Variants in IGF2R observed in about 807,000 individuals in gnomAD.
IGF2R encodes cation-independent mannose-6-phosphate receptor.
A neutral mutation model predicts 270.6 loss-of-function variants in IGF2R; 91 were observed. The observed-to-expected ratio is 0.34, with a 90% confidence interval of 0.28 to 0.40. The LOEUF (loss-of-function observed/expected upper bound fraction) is 0.40, where lower values mean the gene tolerates loss of function less well. Ranked by LOEUF, IGF2R falls within the 10% of genes least tolerant of loss-of-function variation. The pLI, the probability that IGF2R is intolerant of heterozygous loss-of-function variation, is 1.00. For synonymous variants in IGF2R, 1,316 were observed against 1,258.9 expected (o/e 1.05, Z -0.96); for missense variants, 2,805 against 3,188.3 (o/e 0.88, Z 2.90).
chr6:160,104,965 C>T lies in IGF2R; in HGVS notation c.7357C>T (p.Leu2453=). ...GGAGCGTGAGGACGATAGGGTGGGG[C>T]TGGTCAGGGGTGAGAAGGCGAGGAA... is the stretch of plus-strand genomic sequence containing the variant. ...LQEREDDRVG[L]VRGEKARKGK... is the part of the protein sequence containing the mutation. Residue 2453 remains leucine, a synonymous_variant, in exon 48 of 48, where the codon CTG becomes TTG. Coordinates refer to ENST00000356956, the MANE Select transcript of IGF2R (RefSeq NM_000876.4). 1 of 1,614,032 alleles carries T rather than the reference C, an allele frequency of 6.2e-7. No homozygotes were observed. Among genetic ancestry groups the T allele is most frequent in the Non-Finnish European group, 8.5e-7 (1 of 1,180,012 alleles).
In IGF2R at chr6:160,056,436, A is replaced by G. The variant is rs560301920; in HGVS notation, c.2707A>G (p.Ile903Val). 10 of 1,613,506 alleles carry G rather than the reference A, an allele frequency of 6.2e-6. No individual in the cohort carries two copies. The African/African-American group carries it at 1.2e-4, about 19-fold the overall frequency. Residue 903 changes from isoleucine to valine, a missense_variant, in exon 20 of 48, where the codon ATC (isoleucine) becomes GTC (valine). Physicochemically the swap from Ile to Val is conservative, Grantham distance 29. Around this residue, in one of 2 missense-constraint regions of IGF2R, gnomAD observed 1,851 missense variants for 2,207.2 expected, o/e 0.84. Transcript: ENST00000356956. ...TTTGCCCATTCAGAACAGCCACCCC[A>G]TCTTTTCTCTCAACTGGGAGTGTGT... ...CSRGRLNSHPIFSLNWECVVS... is the reference protein window; with the variant it reads ...CSRGRLNSHPVFSLNWECVVS...
chr6:160,062,699 C>CATAA, intron 26 of IGF2R, 80 bp downstream of exon 26: 1 of 981,604 alleles, frequency 1.0e-6, no homozygotes, highest in South Asian at 1.4e-5. Flanking sequence ...AGATATGAGA[C>CATAA]CGTGTGATAA....
Position 160,084,335 on chromosome 6 carries a change from G to A in IGF2R, c.6068+151G>A, listed in dbSNP as rs1353730753. 6 of 618,462 alleles carry A rather than the reference G, an allele frequency of 9.7e-6. No homozygotes were observed. The highest frequency in any genetic ancestry group is 3.7e-5 in the African/African-American group (2 of 54,364). The allele number at this position is 618,462 out of a possible 1,614,324, so 38.3% of individuals were successfully genotyped here. On this transcript the variant is annotated intron_variant, in intron 40 of 47. Coordinates refer to ENST00000356956, the MANE Select transcript of IGF2R (RefSeq NM_000876.4). The surrounding 1 kb of genome is among the most constrained non-coding windows in gnomAD (Gnocchi z 4.6). The stretch of plus-strand genomic sequence containing the variant: ...GGTTGAGTTGTGACTGTTCCTGGAA[G>A]CAGCCCGCAGTGTCAATCCTGGCAC...
At chr6:160,047,124 A>G (rs762513029) in intron 15 of IGF2R, 35 bp from the exon 16 acceptor site, 1 of 1,605,254 alleles carries the variant, frequency 6.2e-7, no homozygotes, top group Non-Finnish European at 8.5e-7. Flanking sequence ...TCTGCCCCTC[A>G]GGTCTTTGCT....
At chr6:160,035,162 AC>A (rs1221995441) in intron 10 of IGF2R, among the ~76,000 whole-genome samples, 1 of 151,754 alleles carries the variant, frequency 6.6e-6, no homozygotes, top group Non-Finnish European at 1.5e-5. Context: ...CCATCTGTTG[AC>A]CCCCAGGCTG....
intron 1 of IGF2R, among the ~76,000 whole-genome samples, chr6:159,977,355 G>A (rs572546423): frequency 6.6e-6 from 1 of 152,360 alleles, no homozygotes; most frequent in Admixed American, 6.5e-5. Flanking sequence ...GCAGCTGCGT[G>A]GGGTAGGGCT....
At chr6:160,088,407 A>C (rs1189880039) in intron 42 of IGF2R, among the ~76,000 whole-genome samples, 1 of 152,224 alleles carries the variant, frequency 6.6e-6, no homozygotes, top group Non-Finnish European at 1.5e-5. Flanking sequence ...AGCAGTACTT[A>C]ACTGACCTCT....
Position 160,029,594 on chromosome 6 carries a change from T to A in IGF2R, c.821T>A (p.Phe274Tyr). The change falls in exon 7 of 48, where the codon TTT becomes TAT. Residue 274 changes from phenylalanine (F) to tyrosine (Y), a missense_variant. Transcript: ENST00000356956. ...AGGGAAGAGGCAGGAAAGCTAGACT[T>A]TTGTGATGGTCACAGCCCTGCGGTG... ...YVREEAGKLD[F>Y]CDGHSPAVTI... is the part of the protein sequence containing the mutation. 6.2e-7 allele frequency: 1 copy of A among 1,614,174 alleles called. No homozygotes were observed. Among genetic ancestry groups the A allele is most frequent in the South Asian group, 1.1e-5 (1 of 91,084 alleles).
intron 23 of IGF2R, 86 bp downstream of exon 23, chr6:160,060,803 T>C: frequency 7.7e-7 from 1 of 1,297,380 alleles, no homozygotes. Flanking sequence ...TCTGTGTGTA[T>C]GTATATTTGT....
chr6:160,028,073 C>T (rs1777604448), intron 6 of IGF2R, among the ~76,000 whole-genome samples: 1 of 152,196 alleles, frequency 6.6e-6, no homozygotes, highest in African/African-American at 2.4e-5. Flanking sequence ...TTAGTTTGCT[C>T]AGGCTGCCAT....
chr6:159,987,959 G>A (rs1783913855), intron 1 of IGF2R, among the ~76,000 whole-genome samples: 1 of 152,138 alleles, frequency 6.6e-6, no homozygotes, highest in Admixed American at 6.5e-5. Flanking sequence ...AGTGTTTCAA[G>A]TATTTTAATA....
At chr6:160,072,740 G>A in intron 32 of IGF2R, 25 bp from the exon 33 acceptor site, 1 of 1,614,146 alleles carries the variant, frequency 6.2e-7, no homozygotes, top group South Asian at 1.1e-5. Flanking sequence ...GAGTCACTGT[G>A]TCCCCATCTT....
intron 39 of IGF2R, among the ~76,000 whole-genome samples, chr6:160,080,625 T>C (rs1247549746): frequency 6.6e-6 from 1 of 152,162 alleles, no homozygotes; most frequent in African/African-American, 2.4e-5. Flanking sequence ...TTCAGGATTC[T>C]GAAGCTAGTG....
At chr6:160,083,907 C>A in intron 39 of IGF2R, 43 bp from the exon 40 acceptor site, 1 of 1,321,396 alleles carries the variant, frequency 7.6e-7, no homozygotes, top group Non-Finnish European at 1.1e-6. Context: ...TGCATAGACA[C>A]AGTGACAGTC....
At chr6:160,071,130 T>G in intron 31 of IGF2R, among the ~76,000 whole-genome samples, 1 of 136,520 alleles carries the variant, frequency 7.3e-6, no homozygotes, top group Non-Finnish European at 1.6e-5. Context: ...GAGGGTGGTG[T>G]GTGGGGGCCT....
At chr6:160,031,729 CTGTT>C (rs1486949474) in intron 7 of IGF2R, among the ~76,000 whole-genome samples, 2 of 152,164 alleles carry the variant, frequency 1.3e-5, no homozygotes, top group Non-Finnish European at 2.9e-5. Context: ...TGTGTGCGAC[CTGTT>C]TGTAAACCTG....
chr6:160,047,212 A>G lies in IGF2R; in HGVS notation c.2105A>G (p.Asp702Gly). The change falls in exon 16 of 48, where the codon GAT (aspartate) becomes GGT (glycine). Residue 702 changes from aspartate to glycine, a missense_variant. By Grantham distance (94) the Asp-to-Gly change is moderately conservative (BLOSUM62 -1). Around this residue, in one of 2 missense-constraint regions of IGF2R, gnomAD observed 954 missense variants for 981.1 expected, o/e 0.97. Coordinates refer to ENST00000356956, the MANE Select transcript of IGF2R (RefSeq NM_000876.4). Reference protein sequence around the residue: ...GLSNAKLSYYDGMIQLNYRGG... With the variant: ...GLSNAKLSYYGGMIQLNYRGG... ...AGTAATGCGAAGCTTTCATATTATG[A>G]TGGGATGATCCAACTGAACTACAGA... is the stretch of plus-strand genomic sequence containing the variant. The G allele has an allele frequency of 6.2e-7, 1 of 1,614,138 alleles. No homozygotes were observed. Among genetic ancestry groups the G allele is most frequent in the Admixed American group, 1.7e-5 (1 of 60,030 alleles).
At chr6:160,041,657 A>T (rs192969768) in intron 11 of IGF2R, among the ~76,000 whole-genome samples, 1 of 152,200 alleles carries the variant, frequency 6.6e-6, no homozygotes, top group East Asian at 1.9e-4. Context: ...TCTGAGTCCC[A>T]CCTGGTTTGC....
chr6:160,043,530 C>T (rs577562420), intron 12 of IGF2R, among the ~76,000 whole-genome samples: 6 of 152,336 alleles, frequency 3.9e-5, no homozygotes, highest in South Asian at 4.1e-4. Flanking sequence ...GAAGGAACCA[C>T]GTGGAAAATA....
Sources: allele counts gnomAD v4.1 joint callset (sites outside exome capture counted in the v4.1 genomes callset), GRCh38; gene constraint gnomAD v4.1.1; regional missense constraint gnomAD v4.1.1; non-coding constraint Gnocchi (gnomAD v3.1); transcripts MANE v1.5; gene names NCBI Gene and HGNC (gene_info 2026-07-23, HGNC 2026-07-21).